TANGO6: variants seen among roughly 807,000 people sequenced by gnomAD.
The protein encoded by TANGO6 is transport and golgi organization 6 homolog, also known as transport and Golgi organization protein 6 homolog.
A neutral mutation model predicts 114.2 loss-of-function variants in TANGO6; 90 were observed. That is an observed-to-expected ratio of 0.79 (90% CI 0.66 to 0.94). TANGO6 has a LOEUF of 0.94. Among genes scored for constraint, TANGO6 ranks in the 40% least tolerant of loss-of-function variants. The probability of loss-of-function intolerance (pLI) is 0.00; values close to 1 mark genes in which losing one functional copy is unlikely to be tolerated. For synonymous variants in TANGO6, 477 were observed against 509.8 expected (o/e 0.94, Z 0.87); for missense variants, 1,274 against 1,315.3 (o/e 0.97, Z 0.49).
chr16:68,968,456 C>A (rs1243511670), intron 14 of TANGO6, among the ~76,000 whole-genome samples: 1 of 151,904 alleles, frequency 6.6e-6, no homozygotes, highest in Non-Finnish European at 1.5e-5. Context: ...CCTCCACCTC[C>A]CGGGTTCAAG....
chr16:69,059,312 TC>T (rs1960081070), intron 17 of TANGO6, among the ~76,000 whole-genome samples: 1 of 152,022 alleles, frequency 6.6e-6, no homozygotes, highest in South Asian at 2.1e-4. Flanking sequence ...CCTCAAGTGA[TC>T]CACCTGCCTT....
chr16:69,016,620 CACTT>C (rs1476528043), intron 15 of TANGO6, among the ~76,000 whole-genome samples: 4 of 152,030 alleles, frequency 2.6e-5, no homozygotes, highest in African/African-American at 4.8e-5. Flanking sequence ...GCACTTCTCT[CACTT>C]ACTGTAGAGG....
chr16:69,046,902 C>T (rs1019740235), intron 17 of TANGO6, among the ~76,000 whole-genome samples: 7 of 152,012 alleles, frequency 4.6e-5, no homozygotes, highest in Admixed American at 1.3e-4. Flanking sequence ...TTAGGCCAGG[C>T]GTGGTGGCTC....
chr16:68,850,307 A>G (rs950744052), intron 1 of TANGO6, among the ~76,000 whole-genome samples: 2 of 152,124 alleles, frequency 1.3e-5, no homozygotes, highest in African/African-American at 4.8e-5. Flanking sequence ...TTATATTTTT[A>G]TATTTGTATT....
rs1002823979 is a variant in TANGO6, at chr16:68,954,297, G to A, written c.2702-19731G>A. 7.9e-5 allele frequency among the ~76,000 whole-genome samples: 12 copies of A among 150,962 alleles called. No homozygotes were observed. In the East Asian group the frequency reaches 9.7e-4, roughly 12 times the overall value. On this transcript the variant is annotated intron_variant, in intron 14 of 17. Coordinates refer to ENST00000261778, the MANE Select transcript of TANGO6 (RefSeq NM_024562.2). ...AGGAGGAAAGAGTGTTGTAGGATGC[G>A]AAACAGCAAAGCAGCAGGACTACAG...
chr16:68,996,865 A>C (rs1258934264), intron 15 of TANGO6, among the ~76,000 whole-genome samples: 7 of 152,126 alleles, frequency 4.6e-5, no homozygotes, highest in Admixed American at 4.6e-4. Context: ...GGATTTAAAC[A>C]CTCTAATTGA....
At chr16:68,886,384 AT>A (rs1962539361) in intron 7 of TANGO6, among the ~76,000 whole-genome samples, 1 of 122,510 alleles carries the variant, frequency 8.2e-6, no homozygotes, top group Non-Finnish European at 1.6e-5. Context: ...CACCTGGCTA[AT>A]TTTTTGTCCA....
intron 16 of TANGO6, 144 bp downstream of exon 16, chr16:69,023,123 T>C: frequency 1.2e-6 from 1 of 819,800 alleles, no homozygotes; most frequent in Non-Finnish European, 1.8e-6. Flanking sequence ...GCCATTGAAC[T>C]TCCCAAGGCT....
chr16:68,847,838 A>G (rs1342238917), intron 1 of TANGO6, among the ~76,000 whole-genome samples: 2 of 152,000 alleles, frequency 1.3e-5, no homozygotes, highest in African/African-American at 4.8e-5. Flanking sequence ...CGTCTCTACT[A>G]AAAATACAAA....
intron 15 of TANGO6, among the ~76,000 whole-genome samples, chr16:69,018,236 C>G (rs1959338622): frequency 6.8e-6 from 1 of 147,952 alleles, no homozygotes; most frequent in South Asian, 2.2e-4. Flanking sequence ...CTCCGCCTCC[C>G]GGGTTCACGC....
chr16:68,913,235 G>GT (rs1002794025), intron 11 of TANGO6, among the ~76,000 whole-genome samples: 8 of 150,868 alleles, frequency 5.3e-5, no homozygotes, highest in Non-Finnish European at 1.2e-4. Context: ...CCAGCTAATT[G>GT]TTTTTTTTGT....
chr16:68,910,962 C>T (rs1403047729), intron 11 of TANGO6, among the ~76,000 whole-genome samples: 1 of 152,174 alleles, frequency 6.6e-6, no homozygotes. Context: ...CAGGCGTGAG[C>T]TACCGTGCCC....
At chr16:68,917,919 ATTT>A (rs542643969) in intron 11 of TANGO6, among the ~76,000 whole-genome samples, 5 of 137,420 alleles carry the variant, frequency 3.6e-5, no homozygotes, top group Admixed American at 7.3e-5. Flanking sequence ...TGCCTGGCTA[ATTT>A]TTTTTTTTTT....
At chr16:69,011,857 T>C (rs991521630) in intron 15 of TANGO6, among the ~76,000 whole-genome samples, 2 of 152,222 alleles carry the variant, frequency 1.3e-5, no homozygotes, top group African/African-American at 4.8e-5. Context: ...CAGAGTACCA[T>C]TGAAAAGCTT....
intron 4 of TANGO6, among the ~76,000 whole-genome samples, chr16:68,869,383 C>T (rs1962231547): frequency 6.6e-6 from 1 of 152,154 alleles, no homozygotes; most frequent in Non-Finnish European, 1.5e-5. Flanking sequence ...GTGGCTGAGG[C>T]AGGAGGATTG....
At chr16:68,873,613 C>T (rs902505568) in intron 4 of TANGO6, among the ~76,000 whole-genome samples, 3 of 152,084 alleles carry the variant, frequency 2.0e-5, no homozygotes, top group Admixed American at 6.6e-5. Context: ...CGTGCCCAGC[C>T]GAGGTTTAGT....
chr16:69,017,669 A>G (rs1959323899), intron 15 of TANGO6, among the ~76,000 whole-genome samples: 1 of 152,082 alleles, frequency 6.6e-6, no homozygotes, highest in Non-Finnish European at 1.5e-5. Flanking sequence ...TAGAAGTGGA[A>G]GGGGCCTGAG....
intron 15 of TANGO6, among the ~76,000 whole-genome samples, chr16:69,004,726 C>T (rs951895249): frequency 2.6e-5 from 4 of 152,174 alleles, no homozygotes; most frequent in Non-Finnish European, 5.9e-5. Context: ...GAATTTGCTC[C>T]AGTTGCTTAA....
At position 68,964,945 on chromosome 16, in the gene TANGO6, A is replaced by G. The variant is rs536433972; in HGVS notation, c.2702-9083A>G. ...ACTTAATCAATTTTCTGTTGATGCA[A>G]ATTTGTTTCCAGTCTTTTCTATTAC... On this transcript the variant is annotated intron_variant, in intron 14 of 17. Coordinates refer to ENST00000261778, the MANE Select transcript of TANGO6 (RefSeq NM_024562.2). Among the ~76,000 whole-genome samples, 4 of 151,990 alleles carry G rather than the reference A, an allele frequency of 2.6e-5. No homozygotes were observed. The South Asian group carries it at 6.2e-4, about 24-fold the overall frequency.
Sources: gnomAD v4.1 joint callset for allele counts (sites outside exome capture counted in the v4.1 genomes callset) on GRCh38, gnomAD v4.1.1 for gene constraint, MANE v1.5 for transcripts, NCBI Gene and HGNC (gene_info 2026-07-23, HGNC 2026-07-21) for gene names.